The following CARMIL2 variants were observed in gnomAD, a reference collection of about 807,000 sequenced individuals.
CARMIL2 encodes the protein capping protein, Arp2/3 and myosin-I linker protein 2.
CARMIL2 carries 96 observed loss-of-function variants against 173.3 expected under a neutral mutation model. That is an observed-to-expected ratio of 0.55 (90% CI 0.47 to 0.66). The LOEUF is 0.66. Ranked by LOEUF, CARMIL2 falls within the 30% of genes least tolerant of loss-of-function variation. CARMIL2 has a pLI of 0.00. For synonymous variants in CARMIL2, 830 were observed against 817.1 expected, an observed-to-expected ratio of 1.02 and a Z score of -0.27; for missense variants, 1,771 against 1,906.7, an observed-to-expected ratio of 0.93 and a Z score of 1.33.
chr16:67,652,044 A>G lies in CARMIL2; in HGVS notation c.2676+36A>G, dbSNP rs760674574. 1.2e-6 allele frequency: 2 copies of G among 1,609,150 alleles called. No individual in the cohort carries two copies. Among genetic ancestry groups the G allele is most frequent in the Admixed American group, 1.7e-5 (1 of 60,034 alleles). On this transcript the variant is annotated intron_variant, in intron 26 of 37. Transcript: ENST00000334583. This position sits in a 1 kb window ranked among gnomAD's most constrained non-coding sequence, Gnocchi z 4.7. ...GATGTGCACACACTTTCGTGCAAAC[A>G]CACACATGCAGTGACTTGGCCATCT...
At position 67,652,039 on chromosome 16, in the gene CARMIL2, C is replaced by T; in HGVS notation, c.2676+31C>T. Reference sequence around the variant, plus strand: ...GGGGAGATGTGCACACACTTTCGTGCAAACACACACATGCAGTGACTTGGC... The same window carrying T: ...GGGGAGATGTGCACACACTTTCGTGTAAACACACACATGCAGTGACTTGGC... On this transcript the variant is annotated intron_variant, in intron 26 of 37. Transcript: ENST00000334583. The surrounding 1 kb of genome is among the most constrained non-coding windows in gnomAD (Gnocchi z 4.7). 4 of 1,609,448 alleles carry T rather than the reference C, an allele frequency of 2.5e-6. No individual in the cohort carries two copies. Among genetic ancestry groups the T allele is most frequent in the Non-Finnish European group, 3.4e-6 (4 of 1,176,346 alleles).
chr16:67,645,360 G>A (rs989849335), intron 1 of CARMIL2, 74 bp downstream of exon 1: 55 of 1,493,684 alleles, frequency 3.7e-5, no homozygotes, highest in Non-Finnish European at 4.7e-5. Flanking sequence ...CCCACCCAGC[G>A]CCCCAGAGGG....
chr16:67,657,310 A>G lies in CARMIL2; in HGVS notation c.4189A>G (p.Ser1397Gly). ...RPKLEAPPSP[S>G]LGSGLGTEPL... ...AAAACTCGAGGCACCTCCATCCCCA[A>G]GCCTAGGTAAGAGGGGGTCCAGGCC... is the stretch of plus-strand genomic sequence containing the variant. Residue 1397 changes from serine to glycine, a missense_variant, in exon 37 of 38, where the codon AGC (serine) becomes GGC (glycine). Coordinates refer to ENST00000334583, the MANE Select transcript of CARMIL2 (RefSeq NM_001013838.3). The surrounding 1 kb of genome is among the most constrained non-coding windows in gnomAD (Gnocchi z 4.5). The G allele has an allele frequency of 6.2e-7, 1 of 1,613,552 alleles. No homozygotes were observed. Among genetic ancestry groups the G allele is most frequent in the South Asian group, 1.1e-5 (1 of 91,028 alleles).
intron 10 of CARMIL2, 33 bp downstream of exon 10, chr16:67,647,420 A>G: frequency 6.4e-7 from 1 of 1,560,352 alleles, no homozygotes; most frequent in Non-Finnish European, 8.7e-7. Context: ...TGGAGAGGAG[A>G]GTCTGGAGGC....
rs759597713 is a variant in CARMIL2, at chr16:67,647,250, C to T, written c.688-49C>T. ...CAAGGGTGTGGGCCAGGGTGCAGCC[C>T]GCTGAGGGCCAGGGTGCAGCCCGTG... On this transcript the variant is annotated intron_variant, in intron 9 of 37. Transcript: ENST00000334583. 109 of 1,610,450 alleles carry T rather than the reference C, an allele frequency of 6.8e-5. 5 individuals are homozygous for T. The South Asian group carries it at 7.9e-4, about 12-fold the overall frequency.
rs1294662000 is a variant in CARMIL2, at chr16:67,651,567, A to G, written c.2427+53A>G. 6.4e-7 allele frequency: 1 copy of G among 1,563,592 alleles called. No homozygotes were observed. Among genetic ancestry groups the G allele is most frequent in the Non-Finnish European group, 8.7e-7 (1 of 1,153,590 alleles). ...ACCTCCGTTTGCAGGTTTGACTCCC[A>G]TCCTTTAGTTTTAACTGTGATATCC... is the stretch of plus-strand genomic sequence containing the variant. On this transcript the variant is annotated intron_variant, in intron 24 of 37. Transcript: ENST00000334583. This position sits in a 1 kb window ranked among gnomAD's most constrained non-coding sequence, Gnocchi z 4.2.
Position 67,651,006 on chromosome 16 carries a change from T to C in CARMIL2, c.2185-181T>C. On this transcript the variant is annotated intron_variant, in intron 22 of 37. Transcript: ENST00000334583. This position sits in a 1 kb window ranked among gnomAD's most constrained non-coding sequence, Gnocchi z 4.2. ...CACTTAGGAAGTGTATATAAAGTCCTTAAAATGAACCAAAGCAACAGATAG... is the reference window on the plus strand; with the variant it reads ...CACTTAGGAAGTGTATATAAAGTCCCTAAAATGAACCAAAGCAACAGATAG... The C allele has an allele frequency of 1.5e-6, 1 of 655,904 alleles. No individual in the cohort carries two copies. The highest frequency in any genetic ancestry group is 2.6e-6 in the Non-Finnish European group (1 of 392,054). The allele number at this position is 655,904 out of a possible 1,614,324, so 40.6% of individuals were successfully genotyped here. A position where few individuals can be genotyped will look rare whatever the true frequency, so the allele number is the denominator to read the frequency against.
chr16:67,646,242 C>T lies in CARMIL2; in HGVS notation c.306C>T (p.Ala102=), dbSNP rs376435435. The change falls in exon 5 of 38, where the codon GCC becomes GCT. Residue 102 remains alanine (A), a synonymous_variant. Coordinates refer to ENST00000334583, the MANE Select transcript of CARMIL2 (RefSeq NM_001013838.3). This position sits in a 1 kb window ranked among gnomAD's most constrained non-coding sequence, Gnocchi z 4.6. The part of the protein sequence containing the change: ...RELVLEFPGV[A]ALEQLAQHVA... ...TGGTCCTGGAGTTTCCTGGTGTGGC[C>T]GCCCTGGAACAGCTGGCCCAGCACG... The T allele has an allele frequency of 3.4e-5, 55 of 1,613,730 alleles. No individual in the cohort carries two copies. The highest frequency in any genetic ancestry group is 6.7e-5 in the African/African-American group (5 of 75,012).
Position 67,653,041 on chromosome 16 carries a change from G to T in CARMIL2, c.2907G>T (p.Pro969=). 7.9e-7 allele frequency: 1 copy of T among 1,271,708 alleles called. No individual in the cohort carries two copies. Among genetic ancestry groups the T allele is most frequent in the Non-Finnish European group, 1.0e-6 (1 of 996,844 alleles). The allele number at this position is 1,271,708 out of a possible 1,614,324, so 78.8% of individuals were successfully genotyped here. ...FIHSAAEEAE[P]EPELAAPGED... is the part of the protein sequence containing the mutation. ...CAGGTGCTGCTGAGGAAGCGGAGCCGGAGCCCGAGCTGGCGGCTCCGGGAG... is the reference window on the plus strand; with the variant it reads ...CAGGTGCTGCTGAGGAAGCGGAGCCTGAGCCCGAGCTGGCGGCTCCGGGAG... Residue 969 remains proline (P), a synonymous_variant, in exon 29 of 38, where the codon CCG becomes CCT. Transcript: ENST00000334583. The surrounding 1 kb of genome is among the most constrained non-coding windows in gnomAD (Gnocchi z 7.4).
In CARMIL2 at chr16:67,652,325, G is replaced by A; in HGVS notation, c.2803G>A (p.Glu935Lys). 6.2e-7 allele frequency: 1 copy of A among 1,613,056 alleles called. No homozygotes were observed. The highest frequency in any genetic ancestry group is 8.5e-7 in the Non-Finnish European group (1 of 1,179,790). Reference sequence around the variant, plus strand: ...TCTTTTCTTCCCCGAGGAGAAGGAAGAGGAGAAGGAGAAGGTAAGTGGTTT... The same window carrying A: ...TCTTTTCTTCCCCGAGGAGAAGGAAAAGGAGAAGGAGAAGGTAAGTGGTTT... ...EGLFFPEEKE[E>K]EKEKDDSPPQ... The change falls in exon 27 of 38, where the codon GAG (glutamate) becomes AAG (lysine). Residue 935 changes from glutamate (E) to lysine (K), a missense_variant. Around this residue, in one of 3 missense-constraint regions of CARMIL2, gnomAD observed 817 missense variants for 903.5 expected, o/e 0.90. Transcript: ENST00000334583. The surrounding 1 kb of genome is among the most constrained non-coding windows in gnomAD (Gnocchi z 4.7).
In CARMIL2 at chr16:67,649,644, C is replaced by T; in HGVS notation, c.1919+25C>T. ...GGTGGGCGGGGTCAGAGGGGTGGGA[C>T]CAGCGGGCAGGGGGCGCGGTGGAGA... is the stretch of plus-strand genomic sequence containing the variant. On this transcript the variant is annotated intron_variant, in intron 20 of 37. Coordinates refer to ENST00000334583, the MANE Select transcript of CARMIL2 (RefSeq NM_001013838.3). This position sits in a 1 kb window ranked among gnomAD's most constrained non-coding sequence, Gnocchi z 6.7. 1 of 1,574,526 alleles carries T rather than the reference C, an allele frequency of 6.4e-7. No individual in the cohort carries two copies. Among genetic ancestry groups the T allele is most frequent in the Non-Finnish European group, 8.6e-7 (1 of 1,165,060 alleles).
At position 67,646,379 on chromosome 16, in the gene CARMIL2, C is replaced by T. The variant is rs761598202; in HGVS notation, c.375-47C>T. On this transcript the variant is annotated intron_variant, in intron 5 of 37. Transcript: ENST00000334583. This position sits in a 1 kb window ranked among gnomAD's most constrained non-coding sequence, Gnocchi z 4.6. ...TGCATGAGAAGGGCTGCTTCCCATC[C>T]CAGAGGCTGGAAGTCCTTTGCCCCC... 6.2e-7 allele frequency: 1 copy of T among 1,607,058 alleles called. No homozygotes were observed. The highest frequency in any genetic ancestry group is 8.5e-7 in the Non-Finnish European group (1 of 1,175,444).
At position 67,648,472 on chromosome 16, in the gene CARMIL2, C is replaced by A. The variant is rs1020381460; in HGVS notation, c.1409C>A (p.Ala470Glu). The change falls in exon 15 of 38, where the codon GCG becomes GAG. Residue 470 changes from alanine (A) to glutamate (E), a missense_variant. Around this residue, in one of 3 missense-constraint regions of CARMIL2, gnomAD observed 944 missense variants for 975.6 expected, o/e 0.97. Coordinates refer to ENST00000334583, the MANE Select transcript of CARMIL2 (RefSeq NM_001013838.3). This position sits in a 1 kb window ranked among gnomAD's most constrained non-coding sequence, Gnocchi z 6.1. ...CGGACGCTGCGGCACCTGGGCCTGGCGGGCTGCAAGCTGCCGCCCGACGCG... is the reference window on the plus strand; with the variant it reads ...CGGACGCTGCGGCACCTGGGCCTGGAGGGCTGCAAGCTGCCGCCCGACGCG... ...RARTLRHLGL[A>E]GCKLPPDALR... 5 of 1,437,922 alleles carry A rather than the reference C, an allele frequency of 3.5e-6. No homozygotes were observed. Among genetic ancestry groups the A allele is most frequent in the Non-Finnish European group, 4.5e-6 (5 of 1,104,432 alleles). 89.1% of individuals were successfully genotyped at this position (1,437,922 alleles called of 1,614,324 possible). A position where few individuals can be genotyped will look rare whatever the true frequency, so the allele number is the denominator to read the frequency against.
At position 67,651,750 on chromosome 16, in the gene CARMIL2, C is replaced by A; in HGVS notation, c.2493C>A (p.Ser831Arg). 6.2e-7 allele frequency: 1 copy of A among 1,606,526 alleles called. No homozygotes were observed. ...SLCPQMLQGS[S>R]WREQLEGVLA... ...GCCCACAGATGCTGCAGGGATCCAG[C>A]TGGAGGGAGCAGCTAGAGGGGGTCC... The change falls in exon 25 of 38, where the codon AGC becomes AGA. Residue 831 changes from serine to arginine, a missense_variant. By Grantham distance (110) the Ser-to-Arg change is moderately radical. Coordinates refer to ENST00000334583, the MANE Select transcript of CARMIL2 (RefSeq NM_001013838.3). The surrounding 1 kb of genome is among the most constrained non-coding windows in gnomAD (Gnocchi z 4.2).
rs749715384 is a variant in CARMIL2 at position 67,646,592 on chromosome 16, G to A, written c.466+75G>A. The A allele has an allele frequency of 2.7e-5, 43 of 1,576,984 alleles. No homozygotes were observed. Among genetic ancestry groups the A allele is most frequent in the Non-Finnish European group, 3.3e-5 (38 of 1,150,144 alleles). On this transcript the variant is annotated intron_variant, in intron 6 of 37. Coordinates refer to ENST00000334583, the MANE Select transcript of CARMIL2 (RefSeq NM_001013838.3). The surrounding 1 kb of genome is among the most constrained non-coding windows in gnomAD (Gnocchi z 4.6). Reference sequence around the variant, plus strand: ...CTCCCCAGACCCGCAAGCTGGGGGGGCCCCAAACTGAACAGAGCCATTCAG... The same window carrying A: ...CTCCCCAGACCCGCAAGCTGGGGGGACCCCAAACTGAACAGAGCCATTCAG...
chr16:67,649,737 T>G lies in CARMIL2; in HGVS notation c.1920-69T>G, dbSNP rs565834477. The G allele has an allele frequency of 1.3e-6, 2 of 1,576,512 alleles. No homozygotes were observed. Among genetic ancestry groups the G allele is most frequent in the Non-Finnish European group, 1.7e-6 (2 of 1,159,540 alleles). On this transcript the variant is annotated intron_variant, in intron 20 of 37. Transcript: ENST00000334583. The surrounding 1 kb of genome is among the most constrained non-coding windows in gnomAD (Gnocchi z 6.7). ...AAATGGAGCAGGCTGACGAGGCGAA[T>G]GGACTAGGCCGAGGGTTGGGTGGGG... is the stretch of plus-strand genomic sequence containing the variant.
Position 67,646,236 on chromosome 16 carries a change from T to C in CARMIL2, c.300T>C (p.Gly100=). The change falls in exon 5 of 38, where the codon GGT becomes GGC. Residue 100 remains glycine (G), a synonymous_variant. Transcript: ENST00000334583. The surrounding 1 kb of genome is among the most constrained non-coding windows in gnomAD (Gnocchi z 4.6). The stretch of plus-strand genomic sequence containing the variant: ...GTGAGCTGGTCCTGGAGTTTCCTGG[T>C]GTGGCCGCCCTGGAACAGCTGGCCC... ...SLRELVLEFP[G]VAALEQLAQH... is the part of the protein sequence containing the mutation. The C allele has an allele frequency of 6.2e-7, 1 of 1,613,738 alleles. No individual in the cohort carries two copies.
Position 67,647,764 on chromosome 16 carries a change from G to C in CARMIL2, c.956G>C (p.Arg319Pro). The change falls in exon 12 of 38, where the codon CGA becomes CCA. Residue 319 changes from arginine to proline, a missense_variant and splice_region_variant. Around this residue, in one of 3 missense-constraint regions of CARMIL2, gnomAD observed 944 missense variants for 975.6 expected, o/e 0.97. Transcript: ENST00000334583. ...CTGGCCCAGACAGGGTTGACACCGCGAGGTAGGCTGGATGAGGGAGGGGGT... is the reference window on the plus strand; with the variant it reads ...CTGGCCCAGACAGGGTTGACACCGCCAGGTAGGCTGGATGAGGGAGGGGGT... ...LSLAQTGLTP[R>P]GMRALGRALA... 6.7e-7 allele frequency: 1 copy of C among 1,497,532 alleles called. No homozygotes were observed. The highest frequency in any genetic ancestry group is 1.2e-5 in the South Asian group (1 of 83,500). 92.8% of individuals were successfully genotyped at this position (1,497,532 alleles called of 1,614,324 possible). A position where few individuals can be genotyped will look rare whatever the true frequency, so the allele number is the denominator to read the frequency against.
chr16:67,648,590 C>T lies in CARMIL2; in HGVS notation c.1439+88C>T, dbSNP rs2052647798. On this transcript the variant is annotated intron_variant, in intron 15 of 37. Coordinates refer to ENST00000334583, the MANE Select transcript of CARMIL2 (RefSeq NM_001013838.3). This position sits in a 1 kb window ranked among gnomAD's most constrained non-coding sequence, Gnocchi z 6.1. Reference sequence around the variant, plus strand: ...TCCCCGCTCCTGCTTCTGTCGCTCCCACAACCTCCCCCAGATCCTGGCCCT... The same window carrying T: ...TCCCCGCTCCTGCTTCTGTCGCTCCTACAACCTCCCCCAGATCCTGGCCCT... 1 of 1,490,392 alleles carries T rather than the reference C, an allele frequency of 6.7e-7. No homozygotes were observed. Among genetic ancestry groups the T allele is most frequent in the Admixed American group, 2.0e-5 (1 of 50,470 alleles). 92.3% of individuals were successfully genotyped at this position (1,490,392 alleles called of 1,614,324 possible). A position where few individuals can be genotyped will look rare whatever the true frequency, so the allele number is the denominator to read the frequency against.
Sources: allele counts gnomAD v4.1 joint callset, GRCh38; gene constraint gnomAD v4.1.1; regional missense constraint gnomAD v4.1.1; non-coding constraint Gnocchi (gnomAD v3.1); transcripts MANE v1.5; gene names NCBI Gene and HGNC (gene_info 2026-07-23, HGNC 2026-07-21).